SLC2A12: variants seen among roughly 807,000 people sequenced by gnomAD.
SLC2A12 encodes solute carrier family 2 member 12.
Under a neutral mutation model 41.8 loss-of-function variants are expected in SLC2A12, and 23 were observed. The ratio of observed to expected loss-of-function variants is 0.55; its 90% CI spans 0.40 to 0.78. The LOEUF (loss-of-function observed/expected upper bound fraction) is 0.78. SLC2A12 is among the 30% of genes least tolerant of loss of function. SLC2A12 has a pLI of 0.00. For missense variants in SLC2A12, 654 were observed against 745.6 expected (o/e 0.88, Z 1.43); for synonymous variants, 295 against 285.9 (o/e 1.03, Z -0.32).
chr6:133,997,126 A>G (rs1376640094), intron 4 of SLC2A12, among the ~76,000 whole-genome samples: 2 of 145,288 alleles, frequency 1.4e-5, no homozygotes, highest in Non-Finnish European at 3.0e-5. Flanking sequence ...GCGTGGCAGC[A>G]GGCGCCTGTA....
At chr6:134,044,940 A>G (rs1053195876) in intron 1 of SLC2A12, among the ~76,000 whole-genome samples, 2 of 152,172 alleles carry the variant, frequency 1.3e-5, no homozygotes, top group Non-Finnish European at 2.9e-5. Flanking sequence ...GGCTATTGCA[A>G]TCAGCCTTCA....
chr6:134,002,749 G>A (rs527753583), intron 3 of SLC2A12, among the ~76,000 whole-genome samples: 36 of 151,982 alleles, frequency 2.4e-4, no homozygotes, highest in South Asian at 4.2e-4. Flanking sequence ...TTCTTCCTGG[G>A]TTCAGAGAAA....
At chr6:134,037,818 A>C (rs1463392763) in intron 1 of SLC2A12, among the ~76,000 whole-genome samples, 1 of 152,194 alleles carries the variant, frequency 6.6e-6, no homozygotes, top group Non-Finnish European at 1.5e-5. Context: ...AGGATGCCCC[A>C]GGAAGGAGAT....
intron 2 of SLC2A12, among the ~76,000 whole-genome samples, chr6:134,011,632 A>G (rs1004445451): frequency 6.6e-6 from 1 of 152,106 alleles, no homozygotes; most frequent in Non-Finnish European, 1.5e-5. Context: ...AGCTTCCAAG[A>G]GTTTTTCTGA....
intron 2 of SLC2A12, among the ~76,000 whole-genome samples, chr6:134,027,840 A>T (rs1777135443): frequency 6.6e-6 from 1 of 152,254 alleles, no homozygotes; most frequent in Admixed American, 6.5e-5. Flanking sequence ...CTTCTGTTTA[A>T]TGGACAAGAG....
rs540681579 is a variant in SLC2A12, at chr6:134,047,732, G to A, written c.103+4646C>T. Among the ~76,000 whole-genome samples the A allele has an allele frequency of 2.4e-4, 37 of 152,340 alleles. No homozygotes were observed. The South Asian group carries it at 3.3e-3, about 14-fold the overall frequency. On this transcript the variant is annotated intron_variant, in intron 1 of 4. Coordinates refer to ENST00000275230, the MANE Select transcript of SLC2A12 (RefSeq NM_145176.3). Reference sequence around the variant, plus strand: ...CTGTTGGTAATCTGACAGAGAGAACGGTGATGTTGAGAATATTTAACAACT... The same window carrying A: ...CTGTTGGTAATCTGACAGAGAGAACAGTGATGTTGAGAATATTTAACAACT...
At chr6:134,021,321 G>A (rs1777037494) in intron 2 of SLC2A12, among the ~76,000 whole-genome samples, 2 of 152,040 alleles carry the variant, frequency 1.3e-5, no homozygotes, top group African/African-American at 4.8e-5. Flanking sequence ...AAAACACAAA[G>A]GTAAATAAAC....
chr6:134,005,659 TAAAAAAAAAAAAAAAAA>T (rs56710009), intron 3 of SLC2A12, among the ~76,000 whole-genome samples: 18,959 of 66,120 alleles, frequency 0.29, 2,092 homozygotes, highest in Admixed American at 0.41. Context: ...GACTCTGTCT[TAAAAAAAAAAAAAAAAA>T]AAAAAAAAAA....
rs1479849638 is a variant in SLC2A12, at chr6:134,048,262, GA to G, written c.103+4115del. ...TTAAATCTGGTCTCATGACCACACA[GA>G]AGAGCAAGTGGTCCTCCATAAATGA... On this transcript the variant is annotated intron_variant, in intron 1 of 4. Coordinates refer to ENST00000275230, the MANE Select transcript of SLC2A12 (RefSeq NM_145176.3). 3.0e-4 allele frequency among the ~76,000 whole-genome samples: 46 copies of G among 152,250 alleles called. 1 individual carries two copies. The East Asian group carries it at 8.7e-3, about 29-fold the overall frequency.
At chr6:134,020,806 T>A (rs909835857) in intron 2 of SLC2A12, among the ~76,000 whole-genome samples, 1 of 152,200 alleles carries the variant, frequency 6.6e-6, no homozygotes, top group African/African-American at 2.4e-5. Context: ...CCATGAGATG[T>A]AAGAAGTATT....
At chr6:134,040,071 T>TC (rs1035748092) in intron 1 of SLC2A12, among the ~76,000 whole-genome samples, 7 of 149,776 alleles carry the variant, frequency 4.7e-5, no homozygotes, top group African/African-American at 1.7e-4. Context: ...TTTTTTTTTT[T>TC]GTTTTTTGTT....
intron 1 of SLC2A12, among the ~76,000 whole-genome samples, chr6:134,042,416 T>C (rs1266016334): frequency 6.6e-6 from 1 of 151,900 alleles, no homozygotes; most frequent in African/African-American, 2.4e-5. Context: ...AGGTGGCCTA[T>C]GGGAGAGAGC....
rs1020167153 is a variant in SLC2A12 at position 134,016,425 on chromosome 6, T to C, written c.1445-9491A>G. 1.4e-4 allele frequency among the ~76,000 whole-genome samples: 21 copies of C among 152,284 alleles called. No homozygotes were observed. In the South Asian group the frequency reaches 2.5e-3, roughly 18 times the overall value. The stretch of plus-strand genomic sequence containing the variant: ...AAAAAAAAATTATGTGCAGGTGTCA[T>C]CTGGCCCCCTTCATGTTGACCTGTA... On this transcript the variant is annotated intron_variant, in intron 2 of 4. Coordinates refer to ENST00000275230, the MANE Select transcript of SLC2A12 (RefSeq NM_145176.3).
intron 4 of SLC2A12, among the ~76,000 whole-genome samples, chr6:134,001,401 A>C (rs1303081746): frequency 6.6e-6 from 1 of 152,246 alleles, no homozygotes; most frequent in Non-Finnish European, 1.5e-5. Flanking sequence ...AAATCAGGTA[A>C]AACAACAATA....
rs550827786 is a variant in SLC2A12 at position 134,009,708 on chromosome 6, G to C, written c.1445-2774C>G. ...AAATAAAATAAAATAAGCCAGGTGTGGTGGCACATGCCCGTAGTCCCAACT... is the reference window on the plus strand; with the variant it reads ...AAATAAAATAAAATAAGCCAGGTGTCGTGGCACATGCCCGTAGTCCCAACT... On this transcript the variant is annotated intron_variant, in intron 2 of 4. Transcript: ENST00000275230. Among the ~76,000 whole-genome samples the C allele has an allele frequency of 4.2e-5, 6 of 142,690 alleles. No homozygotes were observed. The South Asian group carries it at 1.3e-3, about 31-fold the overall frequency. The allele number at this position is 142,690 out of a possible 152,430, so 93.6% of individuals were successfully genotyped here. A position where few individuals can be genotyped will look rare whatever the true frequency, so the allele number is the denominator to read the frequency against.
At position 134,029,486 on chromosome 6, in the gene SLC2A12, T is replaced by G; in HGVS notation, c.339A>C (p.Ser113=). ...AGCTTCCGAGTCCAAGCAGGCAGGA[T>G]GACAAGATGATTGCTGTCCTTCTTC... is the stretch of plus-strand genomic sequence containing the variant. ...RYGRRTAIIL[S]SCLLGLGSLV... Residue 113 remains serine (S), a synonymous_variant, in exon 2 of 5, where the codon TCA becomes TCC. Coordinates refer to ENST00000275230, the MANE Select transcript of SLC2A12 (RefSeq NM_145176.3). The G allele has an allele frequency of 6.2e-7, 1 of 1,614,130 alleles. No individual in the cohort carries two copies. The highest frequency in any genetic ancestry group is 8.5e-7 in the Non-Finnish European group (1 of 1,180,028).
At chr6:134,027,357 C>T (rs1018064800) in intron 2 of SLC2A12, among the ~76,000 whole-genome samples, 3 of 152,194 alleles carry the variant, frequency 2.0e-5, no homozygotes, top group Non-Finnish European at 4.4e-5. Flanking sequence ...ATAGCCTATA[C>T]CTTCTTATTG....
At chr6:134,002,770 T>C (rs1181241971) in intron 3 of SLC2A12, among the ~76,000 whole-genome samples, 1 of 152,198 alleles carries the variant, frequency 6.6e-6, no homozygotes, top group Non-Finnish European at 1.5e-5. Flanking sequence ...AAAGTGATCA[T>C]GGATCCAGTA....
intron 4 of SLC2A12, among the ~76,000 whole-genome samples, chr6:133,994,589 G>A (rs538716029): frequency 1.6e-4 from 25 of 152,206 alleles, no homozygotes; most frequent in Middle Eastern, 3.4e-3. Context: ...TTAGCCAGGC[G>A]TGGTGGCGGG....
Sources: allele counts gnomAD v4.1 joint callset (sites outside exome capture counted in the v4.1 genomes callset), GRCh38; gene constraint gnomAD v4.1.1; transcripts MANE v1.5; gene names NCBI Gene and HGNC (gene_info 2026-07-23, HGNC 2026-07-21).